Variants in MAP4 observed in about 807,000 individuals in gnomAD.
MAP4 encodes the protein microtubule associated protein 4.
A neutral mutation model predicts 170.2 loss-of-function variants in MAP4; 76 were observed. The ratio of observed to expected loss-of-function variants is 0.45; its 90% CI spans 0.37 to 0.54. MAP4 has a LOEUF of 0.54. MAP4 is among the 20% of genes least tolerant of loss of function. The pLI, the probability that MAP4 is intolerant of heterozygous loss-of-function variation, is 0.00. For synonymous variants in MAP4, 909 were observed against 994.5 expected, an observed-to-expected ratio of 0.91 and a Z score of 1.62; for missense variants, 2,506 against 2,748.0, an observed-to-expected ratio of 0.91 and a Z score of 1.97.
At chr3:48,002,686 G>A (rs1045766049) in intron 1 of MAP4, among the ~76,000 whole-genome samples, 1 of 152,098 alleles carries the variant, frequency 6.6e-6, no homozygotes, top group Admixed American at 6.6e-5. Flanking sequence ...TTCGAGACCA[G>A]CCTGGCCAAC....
rs1559906368 is a variant in MAP4, at chr3:48,074,722, GTGTGA to G, written c.-20+14046_-20+14050del. On this transcript the variant is annotated intron_variant, in intron 1 of 18. Transcript: ENST00000360240. The stretch of plus-strand genomic sequence containing the variant: ...TGTGTGTGTGTGTGTGTGTGTGTGT[GTGTGA>G]TATGTCGGCCAGACTGGTCTCGAAC... Among the ~76,000 whole-genome samples, 16 of 149,274 alleles carry G rather than the reference GTGTGA, an allele frequency of 1.1e-4. No homozygotes were observed. In the Admixed American group the frequency reaches 1.1e-3, roughly 10 times the overall value.
intron 1 of MAP4, among the ~76,000 whole-genome samples, chr3:48,050,537 T>G (rs1443988632): frequency 6.6e-6 from 1 of 151,652 alleles, no homozygotes; most frequent in Non-Finnish European, 1.5e-5. Context: ...CTCAGAAAGA[T>G]TCGGTTTTCA....
Position 47,891,892 on chromosome 3 carries a change from T to C in MAP4, c.5434+11058A>G, listed in dbSNP as rs966595443. On this transcript the variant is annotated intron_variant, in intron 10 of 20. Transcript: ENST00000683076. ...TATTCTCCATCTCTCCCGGAGTTGC[T>C]TCCCTTGAGCCCAGAGAGCCTTGAG... The C allele has an allele frequency of 2.0e-5, 31 of 1,535,994 alleles. No homozygotes were observed. In the African/African-American group the frequency reaches 3.7e-4, roughly 18 times the overall value.
intron 3 of MAP4, among the ~76,000 whole-genome samples, chr3:47,968,926 G>T (rs1235697364): frequency 6.6e-6 from 1 of 151,916 alleles, no homozygotes; most frequent in Non-Finnish European, 1.5e-5. Flanking sequence ...GAATCTTACA[G>T]GAATAAAAAA....
At chr3:48,054,816 A>AG (rs2100129858) in intron 1 of MAP4, among the ~76,000 whole-genome samples, 1 of 151,966 alleles carries the variant, frequency 6.6e-6, no homozygotes, top group East Asian at 1.9e-4. Context: ...TCCAAAAAAA[A>AG]AAAAGAAAAG....
chr3:48,044,315 C>T (rs535974022), intron 1 of MAP4, among the ~76,000 whole-genome samples: 120 of 150,514 alleles, frequency 8.0e-4, no homozygotes, highest in African/African-American at 2.8e-3. Context: ...CCACCACGCC[C>T]GGCTAATTTT....
intron 17 of MAP4, among the ~76,000 whole-genome samples, chr3:47,862,785 A>C (rs2069913595): frequency 6.6e-6 from 1 of 152,100 alleles, no homozygotes; most frequent in African/African-American, 2.4e-5. Flanking sequence ...CTATATGCTG[A>C]AGTATTAACA....
chr3:48,067,549 T>C (rs1363360255), intron 1 of MAP4, among the ~76,000 whole-genome samples: 3 of 152,096 alleles, frequency 2.0e-5, no homozygotes, highest in African/African-American at 7.2e-5. Flanking sequence ...TTTAAAAATA[T>C]AGAGGCGGTC....
intron 10 of MAP4, among the ~76,000 whole-genome samples, chr3:47,896,231 A>G (rs1001054593): frequency 6.6e-6 from 1 of 152,190 alleles, no homozygotes; most frequent in Non-Finnish European, 1.5e-5. Flanking sequence ...TGCTAGCTTT[A>G]AAAAAACAAC....
intron 1 of MAP4, among the ~76,000 whole-genome samples, chr3:48,075,021 T>C (rs549714067): frequency 6.6e-6 from 1 of 152,102 alleles, no homozygotes; most frequent in East Asian, 1.9e-4. Context: ...AAAGCTCAAA[T>C]GGAAATGCCA....
chr3:47,928,054 T>C (rs2100047051), intron 4 of MAP4, among the ~76,000 whole-genome samples, 174 bp downstream of exon 4: 1 of 152,200 alleles, frequency 6.6e-6, no homozygotes, highest in East Asian at 1.9e-4. Flanking sequence ...CTAGAGGGCA[T>C]TAAGTGTCTC....
At chr3:48,050,416 C>T (rs992432561) in intron 1 of MAP4, among the ~76,000 whole-genome samples, 3 of 151,616 alleles carry the variant, frequency 2.0e-5, no homozygotes, top group Admixed American at 1.3e-4. Context: ...AAAAATGAGT[C>T]CAGGACACAA....
At chr3:47,861,062 A>G (rs2064880149) in intron 17 of MAP4, among the ~76,000 whole-genome samples, 1 of 152,096 alleles carries the variant, frequency 6.6e-6, no homozygotes, top group Non-Finnish European at 1.5e-5. Context: ...TGTCTCTACT[A>G]AAAAATACAA....
At chr3:48,037,471 G>A (rs1209497601) in intron 1 of MAP4, among the ~76,000 whole-genome samples, 1 of 152,072 alleles carries the variant, frequency 6.6e-6, no homozygotes, top group Non-Finnish European at 1.5e-5. Context: ...TTGGCTTACT[G>A]CAGCCTCGAT....
chr3:48,081,517 T>C (rs2100146687), intron 1 of MAP4, among the ~76,000 whole-genome samples: 1 of 152,094 alleles, frequency 6.6e-6, no homozygotes, highest in South Asian at 2.1e-4. Context: ...GACTATTTTT[T>C]ACTTCATATA....
chr3:48,001,652 G>A (rs532578109), intron 1 of MAP4, among the ~76,000 whole-genome samples: 6 of 151,084 alleles, frequency 4.0e-5, no homozygotes, highest in South Asian at 2.1e-4. Context: ...GGTACGCACC[G>A]CCACACCCAG....
chr3:47,975,962 G>C (rs2100081894), intron 3 of MAP4, among the ~76,000 whole-genome samples: 1 of 152,110 alleles, frequency 6.6e-6, no homozygotes, highest in Admixed American at 6.6e-5. Context: ...GCTAATTTTT[G>C]TATTTTTAGC....
Position 47,855,272 on chromosome 3 carries a change from G to A in MAP4, c.6672C>T (p.His2224=). 6.2e-7 allele frequency: 1 copy of A among 1,613,964 alleles called. No individual in the cohort carries two copies. Among genetic ancestry groups the A allele is most frequent in the Middle Eastern group, 1.7e-4 (1 of 6,060 alleles). Residue 2224 remains histidine, a synonymous_variant, in exon 19 of 21, where the codon CAC becomes CAT. Transcript: ENST00000683076. The surrounding 1 kb of genome is among the most constrained non-coding windows in gnomAD (Gnocchi z 5.1). ...CCTTCACAGCACCTCCTGCAGGTAGGTGGCCCACATTATCGAGGGATCCCA... is the reference window on the plus strand; with the variant it reads ...CCTTCACAGCACCTCCTGCAGGTAGATGGCCCACATTATCGAGGGATCCCA... ...AKVGSLDNVG[H]LPAGGAVKTE... is the part of the protein sequence containing the mutation.
At position 47,964,898 on chromosome 3, in the gene MAP4, G is replaced by A. The variant is rs575426658; in HGVS notation, c.292+12967C>T. Among the ~76,000 whole-genome samples the A allele has an allele frequency of 3.3e-5, 5 of 152,242 alleles. No individual in the cohort carries two copies. The South Asian group carries it at 1.0e-3, about 32-fold the overall frequency. On this transcript the variant is annotated intron_variant, in intron 3 of 20. Transcript: ENST00000683076. Reference sequence around the variant, plus strand: ...TAACGATTTTTAAGTGTACAGTTCAGTGGTATTAAGTACATTCACACTGTT... The same window carrying A: ...TAACGATTTTTAAGTGTACAGTTCAATGGTATTAAGTACATTCACACTGTT...
Sources: gnomAD v4.1 joint callset for allele counts (sites outside exome capture counted in the v4.1 genomes callset) on GRCh38, gnomAD v4.1.1 for gene constraint, Gnocchi (gnomAD v3.1) non-coding constraint, MANE v1.5 for transcripts, NCBI Gene and HGNC (gene_info 2026-07-23, HGNC 2026-07-21) for gene names.